The following SRP72 variants were observed in gnomAD, a reference collection of about 807,000 sequenced individuals.
SRP72 encodes the protein signal recognition particle subunit SRP72.
SRP72 carries 49 observed loss-of-function variants against 96.3 expected under a neutral mutation model. The ratio of observed to expected loss-of-function variants is 0.51; its 90% CI spans 0.40 to 0.65. SRP72 has a LOEUF of 0.65. Ranked by LOEUF, SRP72 falls within the 30% of genes least tolerant of loss-of-function variation. The probability of loss-of-function intolerance (pLI) is 0.00; values close to 1 mark genes in which losing one functional copy is unlikely to be tolerated. For synonymous variants in SRP72, 267 were observed against 275.2 expected (o/e 0.97, Z 0.30); for missense variants, 736 against 793.3 (o/e 0.93, Z 0.87).
intron 8 of SRP72, among the ~76,000 whole-genome samples, chr4:56,480,263 A>G (rs1720430233): frequency 6.6e-6 from 1 of 152,068 alleles, no homozygotes; most frequent in Non-Finnish European, 1.5e-5. Context: ...GCTTGTCAGG[A>G]CAAATTTTTT....
chr4:56,479,487 T>A (rs1313507885), intron 8 of SRP72, among the ~76,000 whole-genome samples: 1 of 150,484 alleles, frequency 6.6e-6, no homozygotes, highest in Non-Finnish European at 1.5e-5. Flanking sequence ...CCAGGAACAC[T>A]CTAATGGAAA....
chr4:56,477,758 A>G (rs1414353662), intron 6 of SRP72, among the ~76,000 whole-genome samples: 2 of 152,168 alleles, frequency 1.3e-5, no homozygotes, highest in Non-Finnish European at 1.5e-5. Flanking sequence ...AGTCTTGAGT[A>G]TTCATTGTAC....
rs564763007 is a variant in SRP72, at chr4:56,491,687, A to G, written c.1640+119A>G. The G allele has an allele frequency of 5.3e-5, 55 of 1,032,762 alleles. No individual in the cohort carries two copies. In the African/African-American group the frequency reaches 6.8e-4, roughly 13 times the overall value. The allele number at this position is 1,032,762 out of a possible 1,614,324, so 64.0% of individuals were successfully genotyped here. A position where few individuals can be genotyped will look rare whatever the true frequency, so the allele number is the denominator to read the frequency against. ...TTCTAGTTCTCTTTGTTCCTTTTCC[A>G]TTTCTCTCACTGTGCCCAGCTCTTT... is the stretch of plus-strand genomic sequence containing the variant. On this transcript the variant is annotated intron_variant, in intron 16 of 18. Coordinates refer to ENST00000642900, the MANE Select transcript of SRP72 (RefSeq NM_006947.4).
At chr4:56,501,066 G>C (rs1721247255) in intron 18 of SRP72, among the ~76,000 whole-genome samples, 1 of 152,178 alleles carries the variant, frequency 6.6e-6, no homozygotes, top group Admixed American at 6.5e-5. Flanking sequence ...AGAAAGAAGT[G>C]TTAGAAGTAT....
intron 16 of SRP72, among the ~76,000 whole-genome samples, chr4:56,495,063 C>CT (rs1293734242): frequency 6.6e-6 from 1 of 152,170 alleles, no homozygotes; most frequent in Non-Finnish European, 1.5e-5. Flanking sequence ...GTGCAAATTA[C>CT]TTTTTACATA....
In SRP72 at chr4:56,481,035, G is replaced by C. The variant is rs376219147; in HGVS notation, c.826-2104G>C. Among the ~76,000 whole-genome samples, 7 of 152,236 alleles carry C rather than the reference G, an allele frequency of 4.6e-5. No individual in the cohort carries two copies. In the East Asian group the frequency reaches 9.7e-4, roughly 21 times the overall value. On this transcript the variant is annotated intron_variant, in intron 8 of 18. Transcript: ENST00000642900. ...TTAGATTGAACTATATCAGGGCCTT[G>C]GAAATCAAGTTTAAGAAAAGTCTGG... is the stretch of plus-strand genomic sequence containing the variant.
chr4:56,475,375 T>C (rs1195351116), intron 5 of SRP72, among the ~76,000 whole-genome samples: 1 of 150,360 alleles, frequency 6.7e-6, no homozygotes, highest in East Asian at 2.0e-4. Flanking sequence ...CTGGGTAATA[T>C]AGTAAGCCTT....
At chr4:56,473,978 CA>C in intron 3 of SRP72, 75 bp from the exon 4 acceptor site, 5 of 1,468,216 alleles carry the variant, frequency 3.4e-6, no homozygotes, top group Non-Finnish European at 4.6e-6. Flanking sequence ...TTAGTGGTTC[CA>C]AAAAAGGTTT....
intron 3 of SRP72, among the ~76,000 whole-genome samples, chr4:56,473,644 A>G (rs766780885): frequency 8.6e-4 from 124 of 144,342 alleles, no homozygotes; most frequent in Non-Finnish European, 1.4e-3. Flanking sequence ...GCACGTCTGT[A>G]ATCTCAGCTA....
chr4:56,474,618 A>G (rs1392958490), intron 5 of SRP72: 10 of 557,032 alleles, frequency 1.8e-5, no homozygotes, highest in Non-Finnish European at 3.2e-5. Context: ...ATCTCGGCTC[A>G]CTGCAACCTC....
rs572462425 is a variant in SRP72 at position 56,474,206 on chromosome 4, C to G, written c.498+9C>G. On this transcript the variant is annotated intron_variant, in intron 4 of 18. Transcript: ENST00000642900. The stretch of plus-strand genomic sequence containing the variant: ...GGGAAAAAGTGGTTCCAGTGAGTAT[C>G]CTTGTGGTGTACCCATACAGTCATG... 6.2e-7 allele frequency: 1 copy of G among 1,614,046 alleles called. No individual in the cohort carries two copies. Among genetic ancestry groups the G allele is most frequent in the South Asian group, 1.1e-5 (1 of 91,050 alleles).
At chr4:56,485,479 G>C (rs576150829) in intron 10 of SRP72, among the ~76,000 whole-genome samples, 4 of 149,868 alleles carry the variant, frequency 2.7e-5, no homozygotes, top group Admixed American at 1.3e-4. Context: ...TTGCATCCAA[G>C]AATTCAACCA....
At chr4:56,478,060 G>GT (rs1377543847) in intron 6 of SRP72, among the ~76,000 whole-genome samples, 1 of 151,294 alleles carries the variant, frequency 6.6e-6, no homozygotes, top group Non-Finnish European at 1.5e-5. Flanking sequence ...TTTTACTTAC[G>GT]TTTTTTAATT....
intron 17 of SRP72, among the ~76,000 whole-genome samples, chr4:56,496,412 C>T (rs1721073624): frequency 6.6e-6 from 1 of 152,090 alleles, no homozygotes; most frequent in Non-Finnish European, 1.5e-5. Flanking sequence ...TGTTTGTATC[C>T]ATTTCACTAT....
At chr4:56,480,587 A>T (rs984622066) in intron 8 of SRP72, among the ~76,000 whole-genome samples, 1 of 152,198 alleles carries the variant, frequency 6.6e-6, no homozygotes. Flanking sequence ...TCTGACATAC[A>T]TAATTGTAGG....
In SRP72 at chr4:56,471,700, G is replaced by GC; in HGVS notation, c.231-20_231-19insC. On this transcript the variant is annotated intron_variant, in intron 2 of 18. Transcript: ENST00000642900. ...CATTGTTAGATAATAATCAGATACT[G>GC]TTTTTTTTTCCTTCTTCAGTAACTC... The GC allele has an allele frequency of 3.8e-6, 6 of 1,568,090 alleles. No homozygotes were observed. Among genetic ancestry groups the GC allele is most frequent in the Non-Finnish European group, 5.2e-6 (6 of 1,147,548 alleles).
At chr4:56,475,638 A>G (rs6853418) in intron 5 of SRP72, 14,261 of 151,836 alleles carry the variant, frequency 0.094, 967 homozygotes, top group Admixed American at 0.2. Flanking sequence ...AAGTGCTGGG[A>G]TTACAAGTGT....
At chr4:56,491,630 T>C in intron 16 of SRP72, 62 bp downstream of exon 16, 1 of 1,483,326 alleles carries the variant, frequency 6.7e-7, no homozygotes, top group Non-Finnish European at 9.3e-7. Context: ...GAATAAAAAA[T>C]ACATTCTCAT....
Position 56,501,890 on chromosome 4 carries a change from T to C in SRP72, c.*29T>C. The C allele has an allele frequency of 1.9e-6, 3 of 1,611,272 alleles. No homozygotes were observed. The highest frequency in any genetic ancestry group is 2.5e-6 in the Non-Finnish European group (3 of 1,177,694). ...GAATATTCTTGTTGCAGGCTGTTTT[T>C]AAACTAGTGTCAGTGACACTAGGAA... On this transcript the variant is annotated 3_prime_UTR_variant, in exon 19 of 19. Coordinates refer to ENST00000642900, the MANE Select transcript of SRP72 (RefSeq NM_006947.4).
Sources: gnomAD v4.1 joint callset for allele counts (sites outside exome capture counted in the v4.1 genomes callset) on GRCh38, gnomAD v4.1.1 for gene constraint, MANE v1.5 for transcripts, NCBI Gene and HGNC (gene_info 2026-07-23, HGNC 2026-07-21) for gene names.